TAFA1: variants seen among roughly 807,000 people sequenced by gnomAD.
TAFA1 encodes the protein chemokine-like protein TAFA-1.
A neutral mutation model predicts 18.5 loss-of-function variants in TAFA1; 4 were observed. That is an observed-to-expected ratio of 0.22 (90% CI 0.11 to 0.49). The LOEUF is 0.49. Among genes scored for constraint, TAFA1 ranks in the 20% least tolerant of loss-of-function variants. The pLI, the probability that TAFA1 is intolerant of heterozygous loss-of-function variation, is 0.98. For synonymous variants in TAFA1, 56 were observed against 55.2 expected (o/e 1.01, Z -0.06); for missense variants, 147 against 169.0 (o/e 0.87, Z 0.72).
intron 3 of TAFA1, among the ~76,000 whole-genome samples, chr3:68,430,805 C>T (rs1371245837): frequency 6.6e-6 from 1 of 151,934 alleles, no homozygotes; most frequent in Non-Finnish European, 1.5e-5. Context: ...AGAGTCTTCA[C>T]AACTGCACAC....
intron 2 of TAFA1, among the ~76,000 whole-genome samples, chr3:68,262,384 G>C (rs577308681): frequency 3.7e-5 from 5 of 136,306 alleles, no homozygotes; most frequent in African/African-American, 1.4e-4. Flanking sequence ...AACCCAGCCA[G>C]GTAGTGAGCA....
chr3:68,360,025 C>T (rs1401415113), intron 2 of TAFA1, among the ~76,000 whole-genome samples: 1 of 151,918 alleles, frequency 6.6e-6, no homozygotes, highest in Non-Finnish European at 1.5e-5. Context: ...TTTAGACCCC[C>T]ACTTGTATTT....
intron 2 of TAFA1, among the ~76,000 whole-genome samples, chr3:68,125,304 T>G (rs995714411): frequency 6.6e-6 from 1 of 152,234 alleles, no homozygotes; most frequent in African/African-American, 2.4e-5. Flanking sequence ...CTGATATTCA[T>G]AAAGCACTTA....
chr3:68,510,282 T>C (rs1022319902), intron 3 of TAFA1, among the ~76,000 whole-genome samples: 4 of 152,278 alleles, frequency 2.6e-5, no homozygotes, highest in Non-Finnish European at 5.9e-5. Context: ...TAATGTCCTG[T>C]TAACTTGGCC....
chr3:68,119,363 G>C (rs1462100342), intron 2 of TAFA1, among the ~76,000 whole-genome samples: 2 of 151,100 alleles, frequency 1.3e-5, no homozygotes, highest in African/African-American at 4.9e-5. Context: ...TTTTTCCTTT[G>C]GTGCATATAA....
rs113680400 is a variant in TAFA1 at position 68,482,919 on chromosome 3, A to G, written c.260-55837A>G. ...GAAGCCTCTGGTCCTGGAAGTGCCT[A>G]AAGTTAGTCCTGTCCCTGGACTGTT... is the stretch of plus-strand genomic sequence containing the variant. On this transcript the variant is annotated intron_variant, in intron 3 of 4. Transcript: ENST00000478136. Among the ~76,000 whole-genome samples, 7 of 152,336 alleles carry G rather than the reference A, an allele frequency of 4.6e-5. 1 individual carries two copies. Among genetic ancestry groups the G allele is most frequent in the African/African-American group, 1.7e-4 (7 of 41,574 alleles).
intron 2 of TAFA1, among the ~76,000 whole-genome samples, chr3:68,088,326 T>A (rs991595418): frequency 2.0e-5 from 3 of 152,232 alleles, no homozygotes; most frequent in Non-Finnish European, 2.9e-5. Context: ...ATTTTGGTTT[T>A]TTTGATCATT....
chr3:68,079,699 C>G (rs1490680974), intron 2 of TAFA1, among the ~76,000 whole-genome samples: 3 of 152,034 alleles, frequency 2.0e-5, no homozygotes, highest in Non-Finnish European at 4.4e-5. Flanking sequence ...AACTTGTGTT[C>G]TTTTACATTT....
intron 2 of TAFA1, among the ~76,000 whole-genome samples, chr3:68,390,325 G>A (rs1049972083): frequency 6.6e-6 from 1 of 152,150 alleles, no homozygotes; most frequent in African/African-American, 2.4e-5. Context: ...TCTGGGCAGG[G>A]CATCTCTGAA....
intron 2 of TAFA1, among the ~76,000 whole-genome samples, chr3:68,232,827 C>A (rs1411575311): frequency 6.6e-6 from 1 of 152,118 alleles, no homozygotes; most frequent in East Asian, 1.9e-4. Flanking sequence ...TGGTCTTGAA[C>A]ACCTGGTCTT....
At chr3:68,218,404 T>C (rs2066687615) in intron 2 of TAFA1, among the ~76,000 whole-genome samples, 1 of 152,094 alleles carries the variant, frequency 6.6e-6, no homozygotes, top group Non-Finnish European at 1.5e-5. Flanking sequence ...TATATTCTTA[T>C]TCATGATAAT....
chr3:68,257,822 T>C (rs772683498), intron 2 of TAFA1, among the ~76,000 whole-genome samples: 16 of 152,134 alleles, frequency 1.1e-4, no homozygotes, highest in Admixed American at 2.6e-4. Flanking sequence ...AGCCATTATC[T>C]TAACCAAGTG....
intron 3 of TAFA1, among the ~76,000 whole-genome samples, chr3:68,536,548 C>T (rs114646489): frequency 0.019 from 2,937 of 152,228 alleles, 51 homozygotes; most frequent in South Asian, 0.048. Context: ...TTTGAGGATT[C>T]TGAATGGGAA....
Position 68,245,588 on chromosome 3 carries a change from CAG to C in TAFA1, c.119-171689_119-171688del, listed in dbSNP as rs577270166. On this transcript the variant is annotated intron_variant, in intron 2 of 4. Transcript: ENST00000478136. ...ATGTTCCTTGGAAGGGGATTGATAG[CAG>C]AGTTTTACCGTAGTTCCATTTTCTT... 3.3e-5 allele frequency among the ~76,000 whole-genome samples: 5 copies of C among 152,272 alleles called. No individual in the cohort carries two copies. The East Asian group carries it at 9.7e-4, about 29-fold the overall frequency.
chr3:68,336,911 A>G (rs940052427), intron 2 of TAFA1, among the ~76,000 whole-genome samples: 5 of 152,104 alleles, frequency 3.3e-5, no homozygotes, highest in Admixed American at 2.0e-4. Context: ...TTTAGAAGAG[A>G]TGGGGTTTCA....
At chr3:68,437,179 A>G (rs898560125) in intron 3 of TAFA1, among the ~76,000 whole-genome samples, 2 of 152,166 alleles carry the variant, frequency 1.3e-5, no homozygotes, top group African/African-American at 4.8e-5. Context: ...TAAGCCTTCT[A>G]ACAGGCAATG....
intron 2 of TAFA1, among the ~76,000 whole-genome samples, chr3:68,173,798 C>T (rs1298713037): frequency 6.6e-6 from 1 of 152,020 alleles, no homozygotes; most frequent in Non-Finnish European, 1.5e-5. Flanking sequence ...CCCTTCCCTT[C>T]ATTTTTAAAG....
intron 2 of TAFA1, among the ~76,000 whole-genome samples, chr3:68,360,397 T>C (rs1169354017): frequency 6.6e-6 from 1 of 152,014 alleles, no homozygotes; most frequent in Admixed American, 6.6e-5. Context: ...TACATTGTGG[T>C]ATTCCAGTAC....
chr3:68,340,975 T>C (rs944744613), intron 2 of TAFA1, among the ~76,000 whole-genome samples: 3 of 152,090 alleles, frequency 2.0e-5, no homozygotes, highest in Non-Finnish European at 4.4e-5. Context: ...CTGGAAGAGA[T>C]AGCATTAAAT....
Sources: allele counts gnomAD v4.1 joint callset (sites outside exome capture counted in the v4.1 genomes callset), GRCh38; gene constraint gnomAD v4.1.1; transcripts MANE v1.5; gene names NCBI Gene and HGNC (gene_info 2026-07-23, HGNC 2026-07-21).